Variants in SIL1 observed in about 807,000 individuals in gnomAD.
SIL1 encodes the protein SIL1 nucleotide exchange factor, also known as nucleotide exchange factor SIL1.
SIL1 carries 40 observed loss-of-function variants against 49.1 expected under a neutral mutation model. That is an observed-to-expected ratio of 0.81 (90% CI 0.63 to 1.06). The LOEUF (loss-of-function observed/expected upper bound fraction) is 1.06, where lower values mean the gene tolerates loss of function less well. SIL1 is among the 50% of genes least tolerant of loss of function. The pLI is 0.00. For missense variants in SIL1, 500 were observed against 572.6 expected, an observed-to-expected ratio of 0.87 and a Z score of 1.29; for synonymous variants, 253 against 250.8, an observed-to-expected ratio of 1.01 and a Z score of -0.08.
At chr5:138,976,278 C>T (rs1031700991) in intron 7 of SIL1, among the ~76,000 whole-genome samples, 4 of 151,622 alleles carry the variant, frequency 2.6e-5, no homozygotes, top group South Asian at 2.1e-4. Flanking sequence ...ACTATGTGCC[C>T]GGTGCATGCT....
At chr5:139,124,574 A>C (rs1052627551) in intron 2 of SIL1, among the ~76,000 whole-genome samples, 12 of 152,342 alleles carry the variant, frequency 7.9e-5, no homozygotes, top group Admixed American at 7.8e-4. Flanking sequence ...TGCCCAAAAC[A>C]CACCTAGCTA....
At chr5:139,010,621 T>C in intron 7 of SIL1, among the ~76,000 whole-genome samples, 1 of 149,548 alleles carries the variant, frequency 6.7e-6, no homozygotes, top group East Asian at 2.0e-4. Context: ...TTGATGATGG[T>C]GATGTACAGA....
At chr5:139,066,446 T>C (rs1485862725) in intron 3 of SIL1, among the ~76,000 whole-genome samples, 1 of 152,058 alleles carries the variant, frequency 6.6e-6, no homozygotes, top group Non-Finnish European at 1.5e-5. Context: ...AGCCTTGACC[T>C]CCCAAGCTCA....
intron 4 of SIL1, among the ~76,000 whole-genome samples, chr5:139,050,656 A>C (rs966430657): frequency 3.3e-5 from 5 of 152,234 alleles, no homozygotes; most frequent in African/African-American, 1.2e-4. Context: ...TTGGGATTCA[A>C]ATGGGTGCTC....
chr5:139,061,388 T>C (rs112415705), intron 3 of SIL1, among the ~76,000 whole-genome samples: 2,793 of 152,328 alleles, frequency 0.018, 41 homozygotes, highest in South Asian at 0.058. Context: ...ATGTCCTCCA[T>C]AGGCTCCTGC....
intron 3 of SIL1, among the ~76,000 whole-genome samples, chr5:139,077,025 T>C (rs1390438757): frequency 6.6e-6 from 1 of 152,190 alleles, no homozygotes; most frequent in East Asian, 1.9e-4. Context: ...ACCCAGCTAT[T>C]TGGGAGGCTG....
intron 3 of SIL1, among the ~76,000 whole-genome samples, chr5:139,067,709 TG>T (rs1379811675): frequency 1.3e-5 from 2 of 152,214 alleles, no homozygotes; most frequent in Non-Finnish European, 2.9e-5. Flanking sequence ...GGGCCAATAA[TG>T]GCAAGGCCTT....
intron 1 of SIL1, among the ~76,000 whole-genome samples, chr5:139,180,381 CAAAAA>C (rs35534058): frequency 1.8e-5 from 1 of 57,052 alleles, no homozygotes; most frequent in Non-Finnish European, 3.1e-5. Flanking sequence ...AACTCCATCT[CAAAAA>C]AAAAAAAAAA....
chr5:139,131,396 A>C (rs2151797501), intron 1 of SIL1, among the ~76,000 whole-genome samples: 1 of 152,202 alleles, frequency 6.6e-6, no homozygotes, highest in South Asian at 2.1e-4. Context: ...CACTCTCAGA[A>C]GTCATTACCC....
chr5:138,962,246 AGTTGATTG>A (rs1338124635), intron 7 of SIL1, among the ~76,000 whole-genome samples: 2 of 151,592 alleles, frequency 1.3e-5, no homozygotes, highest in Non-Finnish European at 2.9e-5. Flanking sequence ...ATTACCTCAG[AGTTGATTG>A]GTTGGTTAGT....
At chr5:139,168,069 T>C (rs984628737) in intron 1 of SIL1, among the ~76,000 whole-genome samples, 3 of 152,256 alleles carry the variant, frequency 2.0e-5, no homozygotes, top group African/African-American at 4.8e-5. Flanking sequence ...ACCATTGTGT[T>C]ACAATTGTCT....
rs1768132161 is a variant in SIL1, at chr5:139,006,924, G to T, written c.767+14247C>A. On this transcript the variant is annotated intron_variant, in intron 7 of 9. Transcript: ENST00000394817. The stretch of plus-strand genomic sequence containing the variant: ...CTCCAGCTTTGTTCTTTTGGCTTAG[G>T]ATTGACTTGGTGATGCAGGCTCTTT... 2.0e-5 allele frequency among the ~76,000 whole-genome samples: 3 copies of T among 148,058 alleles called. No individual in the cohort carries two copies. The South Asian group carries it at 6.7e-4, about 33-fold the overall frequency.
At chr5:138,953,634 G>A (rs146871219) in intron 7 of SIL1, among the ~76,000 whole-genome samples, 81 of 152,360 alleles carry the variant, frequency 5.3e-4, no homozygotes, top group African/African-American at 1.8e-3. Flanking sequence ...CTCCTCTCCA[G>A]ATAGGCAGGC....
intron 1 of SIL1, among the ~76,000 whole-genome samples, chr5:139,141,683 A>G (rs929882802): frequency 6.6e-6 from 1 of 152,070 alleles, no homozygotes; most frequent in Non-Finnish European, 1.5e-5. Context: ...AAAATTGTTG[A>G]GTGGAAGTGA....
rs759312832 is a variant in SIL1 at position 138,947,521 on chromosome 5, G to A, written c.1030-48C>T. On this transcript the variant is annotated intron_variant, in intron 9 of 9. Transcript: ENST00000394817. This position sits in a 1 kb window ranked among gnomAD's most constrained non-coding sequence, Gnocchi z 4.1. ...GCCAGGTAGGGTGGGGGTGGGGAGAGAACACACAGGGAGCAGTTAGCTCAC... is the reference window on the plus strand; with the variant it reads ...GCCAGGTAGGGTGGGGGTGGGGAGAAAACACACAGGGAGCAGTTAGCTCAC... 1.9e-6 allele frequency: 3 copies of A among 1,543,134 alleles called. No homozygotes were observed. Among genetic ancestry groups the A allele is most frequent in the Admixed American group, 3.3e-5 (2 of 59,930 alleles).
chr5:139,031,146 T>G (rs1768784475), intron 5 of SIL1, among the ~76,000 whole-genome samples: 1 of 152,216 alleles, frequency 6.6e-6, no homozygotes, highest in South Asian at 2.1e-4. Flanking sequence ...TATCAATTTT[T>G]TTCTTTTATA....
chr5:138,989,989 T>C (rs1767722999), intron 7 of SIL1, among the ~76,000 whole-genome samples: 2 of 152,182 alleles, frequency 1.3e-5, no homozygotes, highest in African/African-American at 4.8e-5. Flanking sequence ...CTGATCACTG[T>C]CCATGGCTCT....
At chr5:139,174,969 G>GAAA (rs1751849504) in intron 1 of SIL1, among the ~76,000 whole-genome samples, 1 of 135,846 alleles carries the variant, frequency 7.4e-6, no homozygotes, top group South Asian at 2.4e-4. Context: ...AAGAATAAAA[G>GAAA]AAAAAAATAA....
chr5:139,049,066 T>C (rs191220046), intron 4 of SIL1, among the ~76,000 whole-genome samples: 2 of 152,314 alleles, frequency 1.3e-5, no homozygotes, highest in Non-Finnish European at 2.9e-5. Flanking sequence ...AAAGTGCACA[T>C]GGACCAGCTG....
Sources: gnomAD v4.1 joint callset for allele counts (sites outside exome capture counted in the v4.1 genomes callset) on GRCh38, gnomAD v4.1.1 for gene constraint, Gnocchi (gnomAD v3.1) non-coding constraint, MANE v1.5 for transcripts, NCBI Gene and HGNC (gene_info 2026-07-23, HGNC 2026-07-21) for gene names.